PABPC4L: variants seen among roughly 807,000 people sequenced by gnomAD.
The protein encoded by PABPC4L is poly(A) binding protein cytoplasmic 4 like, also known as polyadenylate-binding protein 4-like.
For synonymous variants in PABPC4L, 169 were observed against 164.1 expected, an observed-to-expected ratio of 1.03 and a Z score of -0.23; for missense variants, 452 against 451.4, an observed-to-expected ratio of 1.00 and a Z score of -0.01.
the PABPC4L span, among the ~76,000 whole-genome samples, chr4:134,065,107 G>A: frequency 1.3e-5 from 2 of 151,994 alleles, no homozygotes; most frequent in Non-Finnish European, 2.9e-5. Flanking sequence ...TTTGGGTATA[G>A]ACCCAATGTG....
the PABPC4L span, among the ~76,000 whole-genome samples, chr4:134,037,188 A>G: frequency 2.0e-5 from 3 of 152,000 alleles, no homozygotes; most frequent in African/African-American, 4.8e-5. Flanking sequence ...TAAAAAATAT[A>G]TTGGTATTCT....
chr4:133,952,828 G>C, the PABPC4L span, among the ~76,000 whole-genome samples: 1 of 151,936 alleles, frequency 6.6e-6, no homozygotes, highest in African/African-American at 2.4e-5. Flanking sequence ...TTCTGCGTCG[G>C]GGACATATAG....
At chr4:134,008,190 C>A in the PABPC4L span, among the ~76,000 whole-genome samples, 1 of 151,652 alleles carries the variant, frequency 6.6e-6, no homozygotes, top group Admixed American at 6.6e-5. Flanking sequence ...AAACTTTTAA[C>A]ATTTTTTAAA....
chr4:134,061,205 C>T, the PABPC4L span, among the ~76,000 whole-genome samples: 1 of 151,782 alleles, frequency 6.6e-6, no homozygotes, highest in Non-Finnish European at 1.5e-5. Context: ...ATATATACCC[C>T]TGCTAGGTAC....
At chr4:134,137,764 A>ACT in the PABPC4L span, among the ~76,000 whole-genome samples, 1 of 151,868 alleles carries the variant, frequency 6.6e-6, no homozygotes, top group Non-Finnish European at 1.5e-5. Flanking sequence ...TCTATAATGG[A>ACT]CTATTATGCA....
chr4:134,148,904 C>T, the PABPC4L span, among the ~76,000 whole-genome samples: 2 of 151,804 alleles, frequency 1.3e-5, no homozygotes, highest in Non-Finnish European at 2.9e-5. Flanking sequence ...GTAAAAGTGT[C>T]CCTCCCCTCA....
chr4:134,200,661 G>T lies in PABPC4L; in HGVS notation c.359C>A (p.Ala120Asp). Residue 120 changes from alanine to aspartate, a missense_variant, in exon 2 of 2, where the codon GCT becomes GAT. Ala to Asp is a moderately radical substitution (Grantham distance 126, BLOSUM62 -2). Transcript: ENST00000421491. Reference sequence around the variant, plus strand: ...CTTGGAGGAAAGGATCTTTCCAAAAGCTGAAAAATGTTCATAAAGGGTTTT... The same window carrying T: ...CTTGGAGGAAAGGATCTTTCCAAAATCTGAAAAATGTTCATAAAGGGTTTT... ...DNKTLYEHFS[A>D]FGKILSSKVM... 6.4e-7 allele frequency: 1 copy of T among 1,551,654 alleles called. No individual in the cohort carries two copies. The highest frequency in any genetic ancestry group is 8.7e-7 in the Non-Finnish European group (1 of 1,146,972).
the PABPC4L span, among the ~76,000 whole-genome samples, chr4:134,032,077 C>A: frequency 6.6e-6 from 1 of 151,402 alleles, no homozygotes; most frequent in Non-Finnish European, 1.5e-5. Flanking sequence ...TATAAGATGA[C>A]AATATCTTCT....
chr4:133,970,083 TA>T, the PABPC4L span, among the ~76,000 whole-genome samples: 2 of 147,484 alleles, frequency 1.4e-5, no homozygotes, highest in African/African-American at 4.9e-5. Context: ...AAAATATATA[TA>T]TTTAAAAAAT....
chr4:134,140,071 C>A, the PABPC4L span, among the ~76,000 whole-genome samples: 3 of 151,736 alleles, frequency 2.0e-5, no homozygotes, highest in Non-Finnish European at 4.4e-5. Flanking sequence ...GGTACTTTTT[C>A]TGAAGTGCTA....
At chr4:134,048,926 C>T in the PABPC4L span, among the ~76,000 whole-genome samples, 1 of 151,828 alleles carries the variant, frequency 6.6e-6, no homozygotes, top group African/African-American at 2.4e-5. Context: ...TATATTTTAC[C>T]TGTTATGTTA....
the PABPC4L span, among the ~76,000 whole-genome samples, chr4:134,103,045 C>G: frequency 6.6e-6 from 1 of 151,448 alleles, no homozygotes; most frequent in Non-Finnish European, 1.5e-5. Context: ...AACTGCTCTC[C>G]ATGTTTGACA....
chr4:133,965,171 A>G, the PABPC4L span, among the ~76,000 whole-genome samples: 1 of 152,128 alleles, frequency 6.6e-6, no homozygotes, highest in East Asian at 1.9e-4. Flanking sequence ...CCTACACATC[A>G]ATAGTGACCA....
At chr4:134,116,987 A>G in the PABPC4L span, among the ~76,000 whole-genome samples, 11 of 151,580 alleles carry the variant, frequency 7.3e-5, no homozygotes, top group Non-Finnish European at 1.3e-4. Context: ...TTATATTTCT[A>G]TGTTACTCTA....
In PABPC4L at chr4:134,199,817, T is replaced by C. The variant is rs1267914068; in HGVS notation, c.*90A>G. 8 of 1,438,636 alleles carry C rather than the reference T, an allele frequency of 5.6e-6. No individual in the cohort carries two copies. The highest frequency in any genetic ancestry group is 2.7e-5 in the Admixed American group (1 of 36,742). 89.1% of individuals were successfully genotyped at this position (1,438,636 alleles called of 1,614,324 possible). ...TAAACTAAGCACCCATCATGTGGAA[T>C]ATGAAATTTACTGAGGTCAATTCAG... On this transcript the variant is annotated 3_prime_UTR_variant, in exon 2 of 2. Coordinates refer to ENST00000421491, the MANE Select transcript of PABPC4L (RefSeq NM_001114734.2).
chr4:134,180,726 A>C, the PABPC4L span, among the ~76,000 whole-genome samples: 3 of 151,796 alleles, frequency 2.0e-5, no homozygotes, highest in Non-Finnish European at 2.9e-5. Context: ...AAACACAAAA[A>C]AACCCTCAGA....
At chr4:134,135,544 T>G in the PABPC4L span, among the ~76,000 whole-genome samples, 1 of 152,064 alleles carries the variant, frequency 6.6e-6, no homozygotes, top group Non-Finnish European at 1.5e-5. Context: ...GTTCTTAAAA[T>G]AAAACACAGC....
At chr4:134,127,139 A>C in the PABPC4L span, among the ~76,000 whole-genome samples, 112 of 152,104 alleles carry the variant, frequency 7.4e-4, 2 homozygotes, top group East Asian at 0.021. Flanking sequence ...GCCCCACTCA[A>C]GGAGAGTCAG....
At chr4:134,022,396 GT>G in the PABPC4L span, among the ~76,000 whole-genome samples, 2 of 151,996 alleles carry the variant, frequency 1.3e-5, no homozygotes, top group African/African-American at 4.8e-5. Context: ...AGGCAAAGAC[GT>G]TACGAATAAA....
Sources: allele counts gnomAD v4.1 joint callset (sites outside exome capture counted in the v4.1 genomes callset), GRCh38; gene constraint gnomAD v4.1.1; transcripts MANE v1.5; gene names NCBI Gene and HGNC (gene_info 2026-07-23, HGNC 2026-07-21).